The following GALNT15 variants were observed in gnomAD, a reference collection of about 807,000 sequenced individuals.
GALNT15 encodes UDP-GalNAc transferase T15.
In GALNT15, 67 loss-of-function variants were observed where a neutral mutation model predicts 66.8. The observed-to-expected ratio is 1.00, with a 90% CI of 0.82 to 1.23. GALNT15 has a LOEUF of 1.23. Ranked by LOEUF, GALNT15 falls within the 50% of genes most tolerant of loss-of-function variation. The pLI is 0.00. For synonymous variants in GALNT15, 313 were observed against 311.5 expected, an observed-to-expected ratio of 1.00 and a Z score of -0.05; for missense variants, 827 against 804.3, an observed-to-expected ratio of 1.03 and a Z score of -0.34.
chr3:16,248,017 G>C, the GALNT15 span, among the ~76,000 whole-genome samples: 2 of 152,156 alleles, frequency 1.3e-5, no homozygotes. This position sits in a 1 kb window ranked among gnomAD's most constrained non-coding sequence, Gnocchi z 4.9. Context: ...CCTCCTAGCC[G>C]CAGTCCCACC....
At chr3:16,237,999 G>A in the GALNT15 span, among the ~76,000 whole-genome samples, 1 of 152,068 alleles carries the variant, frequency 6.6e-6, no homozygotes, top group South Asian at 2.1e-4. The surrounding 1 kb of genome is among the most constrained non-coding windows in gnomAD (Gnocchi z 4.2). Flanking sequence ...AGATGGACAA[G>A]TGATATGTGT....
At position 16,224,960 on chromosome 3, in the gene GALNT15, A is replaced by C. The variant is rs181134322; in HGVS notation, c.1773+2202A>C. Among the ~76,000 whole-genome samples, 9 of 152,296 alleles carry C rather than the reference A, an allele frequency of 5.9e-5. No individual in the cohort carries two copies. The East Asian group carries it at 1.7e-3, about 29-fold the overall frequency. ...CCTATTAGGCCATTCTTGCATTGCT[A>C]TAAAGAAATACTAGAGACTGGGTAA... is the stretch of plus-strand genomic sequence containing the variant. On this transcript the variant is annotated intron_variant, in intron 9 of 9. Transcript: ENST00000339732. This position sits in a 1 kb window ranked among gnomAD's most constrained non-coding sequence, Gnocchi z 5.2.
chr3:16,217,147 C>G (rs144674620), intron 6 of GALNT15, among the ~76,000 whole-genome samples: 1 of 152,314 alleles, frequency 6.6e-6, no homozygotes, highest in East Asian at 1.9e-4. Context: ...AACTCAGTAA[C>G]TGTTGTGAGT....
chr3:16,225,368 T>G lies in GALNT15; in HGVS notation c.1774-1986T>G, dbSNP rs1311151431. On this transcript the variant is annotated intron_variant, in intron 9 of 9. Transcript: ENST00000339732. This position sits in a 1 kb window ranked among gnomAD's most constrained non-coding sequence, Gnocchi z 4.4. The stretch of plus-strand genomic sequence containing the variant: ...CTTTACACTTAAAAATGCCTAAGAT[T>G]GTAAAAGTTTTGCTATGTGTTTTTA... 6.6e-6 allele frequency among the ~76,000 whole-genome samples: 1 copy of G among 152,184 alleles called. No individual in the cohort carries two copies. The highest frequency in any genetic ancestry group is 2.4e-5 in the African/African-American group (1 of 41,430).
At position 16,228,190 on chromosome 3, in the gene GALNT15, C is replaced by T; in HGVS notation, c.*690C>T. On this transcript the variant is annotated 3_prime_UTR_variant, in exon 10 of 10. Coordinates refer to ENST00000339732, the MANE Select transcript of GALNT15 (RefSeq NM_054110.5). ...ACCATTGTAGAGAATTTCCTTCCTA[C>T]TGAGAATCTACCTCTATTCCCCCTG... The T allele has an allele frequency of 2.0e-6, 2 of 985,838 alleles. No individual in the cohort carries two copies. Among genetic ancestry groups the T allele is most frequent in the Non-Finnish European group, 2.4e-6 (2 of 829,886 alleles). 61.1% of individuals were successfully genotyped at this position (985,838 alleles called of 1,614,324 possible). A position where few individuals can be genotyped will look rare whatever the true frequency, so the allele number is the denominator to read the frequency against.
At position 16,211,070 on chromosome 3, in the gene GALNT15, C is replaced by T. The variant is rs2063808383; in HGVS notation, c.1080-54C>T. 4 of 1,345,072 alleles carry T rather than the reference C, an allele frequency of 3.0e-6. No homozygotes were observed. Among genetic ancestry groups the T allele is most frequent in the Non-Finnish European group, 4.3e-6 (4 of 937,682 alleles). The allele number at this position is 1,345,072 out of a possible 1,614,324, so 83.3% of individuals were successfully genotyped here. ...TGGGAAGCCCCAGCCCCCAGCCTCG[C>T]CTGCTGTGCTCTGGGTTCTGAACTG... On this transcript the variant is annotated intron_variant, in intron 4 of 9. Transcript: ENST00000339732. The surrounding 1 kb of genome is among the most constrained non-coding windows in gnomAD (Gnocchi z 4.3).
the GALNT15 span, among the ~76,000 whole-genome samples, chr3:16,246,677 T>C: frequency 6.6e-6 from 1 of 152,214 alleles, no homozygotes; most frequent in Non-Finnish European, 1.5e-5. Flanking sequence ...GTTCATGTAA[T>C]ACTCTATAGC....
chr3:16,177,631 G>C (rs530396338), intron 1 of GALNT15, among the ~76,000 whole-genome samples: 1 of 152,216 alleles, frequency 6.6e-6, no homozygotes, highest in Non-Finnish European at 1.5e-5. Flanking sequence ...TAATGTGCAT[G>C]TATTATGTGC....
In GALNT15 at chr3:16,176,578, G is replaced by T. The variant is rs1451624326; in HGVS notation, c.539+888G>T. Among the ~76,000 whole-genome samples, 1 of 152,228 alleles carries T rather than the reference G, an allele frequency of 6.6e-6. No homozygotes were observed. The highest frequency in any genetic ancestry group is 1.9e-4 in the East Asian group (1 of 5,194). On this transcript the variant is annotated intron_variant, in intron 1 of 9. Transcript: ENST00000339732. The surrounding 1 kb of genome is among the most constrained non-coding windows in gnomAD (Gnocchi z 5.6). The stretch of plus-strand genomic sequence containing the variant: ...TGATGGGCAGAGCTGTGCCCAGGGA[G>T]ATGCTGGCCCATCCTCCACACCCCC...
intron 1 of GALNT15, among the ~76,000 whole-genome samples, chr3:16,194,618 G>A (rs2063612887): frequency 6.6e-6 from 1 of 152,172 alleles, no homozygotes; most frequent in African/African-American, 2.4e-5. Flanking sequence ...AAGAAAATGT[G>A]GTACATATGT....
In GALNT15 at chr3:16,186,777, T is replaced by C. The variant is rs1286278860; in HGVS notation, c.540-8983T>C. 6.6e-6 allele frequency among the ~76,000 whole-genome samples: 1 copy of C among 152,094 alleles called. No individual in the cohort carries two copies. The highest frequency in any genetic ancestry group is 1.5e-5 in the Non-Finnish European group (1 of 68,016). ...GTAGGTTAGTGGTTGCCACGGGCTG[T>C]GGTAGTTGTGGGAGCAGTGGGAAGT... On this transcript the variant is annotated intron_variant, in intron 1 of 9. Transcript: ENST00000339732. The surrounding 1 kb of genome is among the most constrained non-coding windows in gnomAD (Gnocchi z 5.1).
At chr3:16,218,395 C>T (rs915238174) in intron 6 of GALNT15, among the ~76,000 whole-genome samples, 2 of 152,158 alleles carry the variant, frequency 1.3e-5, no homozygotes, top group Non-Finnish European at 2.9e-5. Flanking sequence ...ATCCTTGTCA[C>T]CTCTCTCTTC....
rs202129269 is a variant in GALNT15 at position 16,200,636 on chromosome 3, C to T, written c.724C>T (p.Leu242Phe). The change falls in exon 3 of 10, where the codon CTC becomes TTC. Residue 242 changes from leucine to phenylalanine, a missense_variant. Coordinates refer to ENST00000339732, the MANE Select transcript of GALNT15 (RefSeq NM_054110.5). This position sits in a 1 kb window ranked among gnomAD's most constrained non-coding sequence, Gnocchi z 4.4. ...LSQQGQLKSA[L>F]SEYVARLEGV... ...GATTCCAGGACAACTCAAGTCTGCT[C>T]TCAGCGAATATGTGGCCAGGCTGGA... 2 of 1,568,692 alleles carry T rather than the reference C, an allele frequency of 1.3e-6. No homozygotes were observed. The highest frequency in any genetic ancestry group is 1.7e-6 in the Non-Finnish European group (2 of 1,157,040).
At position 16,183,859 on chromosome 3, in the gene GALNT15, T is replaced by C. The variant is rs1027381501; in HGVS notation, c.539+8169T>C. ...CTGTGACTCATTCTCTTCAGAGCCATCATCCAAATGCATTTTTCCAAGTTC... is the reference window on the plus strand; with the variant it reads ...CTGTGACTCATTCTCTTCAGAGCCACCATCCAAATGCATTTTTCCAAGTTC... On this transcript the variant is annotated intron_variant, in intron 1 of 9. Coordinates refer to ENST00000339732, the MANE Select transcript of GALNT15 (RefSeq NM_054110.5). This position sits in a 1 kb window ranked among gnomAD's most constrained non-coding sequence, Gnocchi z 5.2. Among the ~76,000 whole-genome samples, 5 of 151,716 alleles carry C rather than the reference T, an allele frequency of 3.3e-5. No homozygotes were observed. The highest frequency in any genetic ancestry group is 1.2e-4 in the African/African-American group (5 of 41,246).
At chr3:16,247,504 A>G in the GALNT15 span, among the ~76,000 whole-genome samples, 2 of 152,216 alleles carry the variant, frequency 1.3e-5, no homozygotes, top group Non-Finnish European at 2.9e-5. Flanking sequence ...CAGAACTAAA[A>G]CAGGAACCAG....
In GALNT15 at chr3:16,175,335, G is replaced by C; in HGVS notation, c.184G>C (p.Gly62Arg). The C allele has an allele frequency of 6.2e-7, 1 of 1,614,188 alleles. No homozygotes were observed. Among genetic ancestry groups the C allele is most frequent in the Non-Finnish European group, 8.5e-7 (1 of 1,180,040 alleles). ...TGAAGCCAGGTACCGCCTGGACTTT[G>C]GGGAATCCCAGGATTGGGTACTGGA... The part of the protein sequence containing the change: ...SPEARYRLDF[G>R]ESQDWVLEAE... Residue 62 changes from glycine (G) to arginine (R), a missense_variant, in exon 1 of 10, where the codon GGG becomes CGG. Physicochemically the swap from Gly to Arg is moderately radical, Grantham distance 125. Coordinates refer to ENST00000339732, the MANE Select transcript of GALNT15 (RefSeq NM_054110.5). This position sits in a 1 kb window ranked among gnomAD's most constrained non-coding sequence, Gnocchi z 5.6.
chr3:16,200,248 C>T lies in GALNT15; in HGVS notation c.707-371C>T, dbSNP rs1049683854. Reference sequence around the variant, plus strand: ...ATCACCTCCCACCAGGTCCCTCCCTCGCCACATAGGGATTATGGGGATTAC... The same window carrying T: ...ATCACCTCCCACCAGGTCCCTCCCTTGCCACATAGGGATTATGGGGATTAC... On this transcript the variant is annotated intron_variant, in intron 2 of 9. Transcript: ENST00000339732. The surrounding 1 kb of genome is among the most constrained non-coding windows in gnomAD (Gnocchi z 4.4). Among the ~76,000 whole-genome samples, 4 of 152,146 alleles carry T rather than the reference C, an allele frequency of 2.6e-5. No individual in the cohort carries two copies. The highest frequency in any genetic ancestry group is 7.2e-5 in the African/African-American group (3 of 41,426).
In GALNT15 at chr3:16,183,537, C is replaced by T. The variant is rs959761987; in HGVS notation, c.539+7847C>T. Among the ~76,000 whole-genome samples, 2 of 152,220 alleles carry T rather than the reference C, an allele frequency of 1.3e-5. No homozygotes were observed. The highest frequency in any genetic ancestry group is 4.8e-5 in the African/African-American group (2 of 41,438). ...TCAGTGTCTTTCTTCCTTCAGTGAA[C>T]AAATAGCTATTGAACAACTATCAGA... is the stretch of plus-strand genomic sequence containing the variant. On this transcript the variant is annotated intron_variant, in intron 1 of 9. Transcript: ENST00000339732. The surrounding 1 kb of genome is among the most constrained non-coding windows in gnomAD (Gnocchi z 5.2).
chr3:16,202,182 C>T (rs1457509630), intron 3 of GALNT15, among the ~76,000 whole-genome samples: 1 of 152,246 alleles, frequency 6.6e-6, no homozygotes, highest in East Asian at 1.9e-4. Context: ...AATAGTTCAG[C>T]ATTCCATTTT....
Sources: gnomAD v4.1 joint callset for allele counts (sites outside exome capture counted in the v4.1 genomes callset) on GRCh38, gnomAD v4.1.1 for gene constraint, Gnocchi (gnomAD v3.1) non-coding constraint, MANE v1.5 for transcripts, NCBI Gene and HGNC (gene_info 2026-07-23, HGNC 2026-07-21) for gene names.